Variants in CUX2 observed in about 807,000 individuals in gnomAD.
The protein encoded by CUX2 is cut like homeobox 2.
A neutral mutation model predicts 144.8 loss-of-function variants in CUX2; 40 were observed. That is an observed-to-expected ratio of 0.28 (90% CI 0.21 to 0.36). CUX2 has a LOEUF of 0.36. CUX2 is among the 10% of genes least tolerant of loss of function. CUX2 has a pLI of 1.00. For missense variants in CUX2, 1,615 were observed against 1,994.0 expected, an observed-to-expected ratio of 0.81 and a Z score of 3.62; for synonymous variants, 827 against 875.6, an observed-to-expected ratio of 0.94 and a Z score of 0.98.
chr12:111,303,934 C>T (rs1886447114), intron 9 of CUX2, among the ~76,000 whole-genome samples: 1 of 152,206 alleles, frequency 6.6e-6, no homozygotes, highest in Non-Finnish European at 1.5e-5. Flanking sequence ...CTGGGGGTCC[C>T]AGGCACCCCA....
At chr12:111,240,425 G>T (rs1208475230) in intron 3 of CUX2, among the ~76,000 whole-genome samples, 1 of 152,144 alleles carries the variant, frequency 6.6e-6, no homozygotes, top group African/African-American at 2.4e-5. Flanking sequence ...TTACCTTCTG[G>T]GTTCCCCCAC....
chr12:111,341,275 CAGAG>C (rs1255729520), intron 20 of CUX2, among the ~76,000 whole-genome samples: 2 of 151,940 alleles, frequency 1.3e-5, no homozygotes, highest in African/African-American at 4.8e-5. Flanking sequence ...ACCTGGGTGA[CAGAG>C]AGAGACCCCA....
At chr12:111,173,504 G>T (rs769928978) in intron 1 of CUX2, among the ~76,000 whole-genome samples, 1 of 152,224 alleles carries the variant, frequency 6.6e-6, no homozygotes, top group Non-Finnish European at 1.5e-5. Flanking sequence ...GCGCACAGGG[G>T]TACCTGCCCT....
chr12:111,090,682 C>A (rs1174203574), intron 1 of CUX2, among the ~76,000 whole-genome samples: 1 of 152,162 alleles, frequency 6.6e-6, no homozygotes, highest in Non-Finnish European at 1.5e-5. Flanking sequence ...CCTGAGCCCA[C>A]ACCTTGCAGT....
chr12:111,187,527 G>A (rs928998222), intron 1 of CUX2, among the ~76,000 whole-genome samples: 3 of 151,766 alleles, frequency 2.0e-5, no homozygotes, highest in East Asian at 1.9e-4. Flanking sequence ...ACACCTAAAC[G>A]CATTTCAGTG....
At chr12:111,117,698 A>G (rs1874389973) in intron 1 of CUX2, among the ~76,000 whole-genome samples, 2 of 152,234 alleles carry the variant, frequency 1.3e-5, no homozygotes, top group African/African-American at 4.8e-5. Flanking sequence ...GTTTACCTAC[A>G]GAGCACTTTT....
intron 1 of CUX2, among the ~76,000 whole-genome samples, chr12:111,161,829 G>A (rs11836888): frequency 0.059 from 8,919 of 152,254 alleles, 529 homozygotes; most frequent in African/African-American, 0.15. Flanking sequence ...CAACCTTCCA[G>A]GCTCAAGCAG....
chr12:111,137,806 A>G (rs1876008628), intron 1 of CUX2, among the ~76,000 whole-genome samples: 1 of 152,208 alleles, frequency 6.6e-6, no homozygotes, highest in African/African-American at 2.4e-5. Flanking sequence ...TGAACCAGCC[A>G]CCATGCACAG....
chr12:111,272,764 G>A (rs1482529800), intron 4 of CUX2, among the ~76,000 whole-genome samples: 1 of 152,132 alleles, frequency 6.6e-6, no homozygotes, highest in Admixed American at 6.6e-5. Context: ...ACACCCAGGT[G>A]ACAGCTAACT....
intron 1 of CUX2, among the ~76,000 whole-genome samples, chr12:111,188,391 G>A (rs1879681838): frequency 6.6e-6 from 1 of 152,220 alleles, no homozygotes; most frequent in Non-Finnish European, 1.5e-5. Flanking sequence ...GGGCAGGAGA[G>A]ACTGCTGGAC....
In CUX2 at chr12:111,298,087, C is replaced by T. The variant is rs554128030; in HGVS notation, c.705-454C>T. Among the ~76,000 whole-genome samples the T allele has an allele frequency of 7.9e-5, 12 of 152,308 alleles. No homozygotes were observed. The South Asian group carries it at 2.3e-3, about 29-fold the overall frequency. On this transcript the variant is annotated intron_variant, in intron 8 of 21. Coordinates refer to ENST00000261726, the MANE Select transcript of CUX2 (RefSeq NM_015267.4). ...CAAAGTGCTCCCCACGTGCCCCCCG[C>T]GTCTCCCACCCCCTGCTAACAGAGG...
chr12:111,046,607 G>C (rs1045535144), intron 1 of CUX2, among the ~76,000 whole-genome samples: 1 of 152,104 alleles, frequency 6.6e-6, no homozygotes, highest in Non-Finnish European at 1.5e-5. Flanking sequence ...CACTGCCGAG[G>C]TCCCCCCATC....
chr12:111,118,341 G>A (rs1874420429), intron 1 of CUX2, among the ~76,000 whole-genome samples: 1 of 152,054 alleles, frequency 6.6e-6, no homozygotes, highest in Non-Finnish European at 1.5e-5. Context: ...AATGTGTATG[G>A]TGGAAATACA....
chr12:111,094,105 T>C (rs1872688442), intron 1 of CUX2, among the ~76,000 whole-genome samples: 1 of 152,260 alleles, frequency 6.6e-6, no homozygotes, highest in African/African-American at 2.4e-5. Context: ...CAGTGTATTA[T>C]TAACCATAAG....
chr12:111,189,105 C>A (rs529356219), intron 1 of CUX2, among the ~76,000 whole-genome samples: 1 of 152,156 alleles, frequency 6.6e-6, no homozygotes, highest in East Asian at 1.9e-4. Flanking sequence ...AGTGGGGAAA[C>A]CCCGACTCTA....
Position 111,293,583 on chromosome 12 carries a change from G to A in CUX2, c.560+14G>A, listed in dbSNP as rs1256932061. 1 of 1,564,820 alleles carries A rather than the reference G, an allele frequency of 6.4e-7. No homozygotes were observed. Among genetic ancestry groups the A allele is most frequent in the Non-Finnish European group, 8.7e-7 (1 of 1,154,842 alleles). ...GGAAAAACAAAAGTGAGGAAGGGAA[G>A]GTGGGTGGGAGGGAGGAAGGAATGG... On this transcript the variant is annotated intron_variant, in intron 6 of 21. Transcript: ENST00000261726. The surrounding 1 kb of genome is among the most constrained non-coding windows in gnomAD (Gnocchi z 4.5).
At chr12:111,330,702 T>TAC (rs1888055709) in intron 18 of CUX2, among the ~76,000 whole-genome samples, 2 of 16,412 alleles carry the variant, frequency 1.2e-4, no homozygotes, top group African/African-American at 4.4e-4. Flanking sequence ...TATATATATA[T>TAC]ATATATATAT....
Position 111,291,478 on chromosome 12 carries a change from T to G in CUX2, c.362T>G (p.Phe121Cys), listed in dbSNP as rs755000879. The change falls in exon 5 of 22, where the codon TTT becomes TGT. Residue 121 changes from phenylalanine (F) to cysteine (C), a missense_variant. This residue lies in a region of CUX2 where 295 missense variants were observed against 400.2 expected (regional missense o/e 0.74). Transcript: ENST00000261726. ...GACGACAGACTGCAGCCCCCCAGCTTTGACCCCAGTGGGCAGCCCCGGCGA... is the reference window on the plus strand; with the variant it reads ...GACGACAGACTGCAGCCCCCCAGCTGTGACCCCAGTGGGCAGCCCCGGCGA... ...SLDDRLQPPS[F>C]DPSGQPRRDL... The G allele has an allele frequency of 6.2e-7, 1 of 1,612,736 alleles. No homozygotes were observed. The highest frequency in any genetic ancestry group is 8.5e-7 in the Non-Finnish European group (1 of 1,179,352).
chr12:111,292,423 C>G (rs1885739884), intron 5 of CUX2, among the ~76,000 whole-genome samples: 1 of 151,996 alleles, frequency 6.6e-6, no homozygotes, highest in Non-Finnish European at 1.5e-5. Flanking sequence ...AACCCTGTCT[C>G]TACTAAAAAT....
Sources: allele counts gnomAD v4.1 joint callset (sites outside exome capture counted in the v4.1 genomes callset), GRCh38; gene constraint gnomAD v4.1.1; regional missense constraint gnomAD v4.1.1; non-coding constraint Gnocchi (gnomAD v3.1); transcripts MANE v1.5; gene names NCBI Gene and HGNC (gene_info 2026-07-23, HGNC 2026-07-21).